Variants in VPS8 observed in about 807,000 individuals in gnomAD.
VPS8 encodes VPS8 subunit of CORVET complex, also known as vacuolar protein sorting-associated protein 8 homolog.
In VPS8, 129 loss-of-function variants were observed where a neutral mutation model predicts 216.4. The observed-to-expected ratio is 0.60, with a 90% confidence interval of 0.52 to 0.69. The LOEUF is 0.69. VPS8 is among the 30% of genes least tolerant of loss of function. VPS8 has a pLI of 0.00. For synonymous variants in VPS8, 571 were observed against 565.4 expected (o/e 1.01, Z -0.14); for missense variants, 1,531 against 1,683.5 (o/e 0.91, Z 1.59).
intron 43 of VPS8, among the ~76,000 whole-genome samples, chr3:184,995,989 A>G (rs1391053039): frequency 6.6e-6 from 1 of 152,230 alleles, no homozygotes; most frequent in Non-Finnish European, 1.5e-5. Context: ...GTTATTATAT[A>G]AATGTAATAA....
chr3:184,839,649 A>G, intron 6 of VPS8, 49 bp from the exon 7 acceptor site: 1 of 1,537,140 alleles, frequency 6.5e-7, no homozygotes. Flanking sequence ...GATTATTTCA[A>G]GATTCTTAAT....
At chr3:184,839,490 A>T in intron 6 of VPS8, 1 of 537,896 alleles carries the variant, frequency 1.9e-6, no homozygotes, top group Non-Finnish European at 3.3e-6. Flanking sequence ...TGATAGTGTT[A>T]CTCCTAGAGT....
intron 28 of VPS8, among the ~76,000 whole-genome samples, chr3:184,918,654 ATTCT>A (rs1485554683): frequency 6.6e-6 from 1 of 152,222 alleles, no homozygotes; most frequent in Non-Finnish European, 1.5e-5. Context: ...GGTGAAGGAA[ATTCT>A]TTTTTACTTG....
At chr3:184,838,815 A>G in intron 6 of VPS8, 69 bp downstream of exon 6, 1 of 1,190,488 alleles carries the variant, frequency 8.4e-7, no homozygotes, top group South Asian at 1.5e-5. Context: ...TTATCATTAC[A>G]TTGTTCAAAA....
At chr3:184,941,418 C>CT (rs560431751) in intron 36 of VPS8, among the ~76,000 whole-genome samples, 23,627 of 135,494 alleles carry the variant, frequency 0.17, 2,804 homozygotes, top group African/African-American at 0.34. Flanking sequence ...GGTAGACATC[C>CT]TTTTTTTTTT....
At chr3:184,968,846 A>G (rs905199801) in intron 39 of VPS8, among the ~76,000 whole-genome samples, 1 of 152,184 alleles carries the variant, frequency 6.6e-6, no homozygotes, top group South Asian at 2.1e-4. Flanking sequence ...CACGCATTTC[A>G]CTAACATACC....
chr3:184,829,500 G>T (rs760791481), intron 3 of VPS8, among the ~76,000 whole-genome samples: 17 of 152,216 alleles, frequency 1.1e-4, no homozygotes, highest in Admixed American at 2.0e-4. Flanking sequence ...ACAGGCATGA[G>T]CCCCTGTGCC....
In VPS8 at chr3:184,929,626, A is replaced by G. The variant is rs369482323; in HGVS notation, c.2761A>G (p.Lys921Glu). The change falls in exon 33 of 48, where the codon AAA (lysine) becomes GAA (glutamate). Residue 921 changes from lysine to glutamate, a missense_variant. Physicochemically the swap from Lys to Glu is moderately conservative, Grantham distance 56 (BLOSUM62 1). Around this residue, in one of 3 missense-constraint regions of VPS8, gnomAD observed 1,318 missense variants for 1,468.4 expected, o/e 0.90. Coordinates refer to ENST00000625842, the MANE Select transcript of VPS8 (RefSeq NM_001009921.3). ...FMYEREHQYD[K>E]IIDCYLRDPL... ...GTATGAAAGAGAACACCAATATGAT[A>G]AAATTATTGATTGCTACTTACGTGA... 100 of 1,531,752 alleles carry G rather than the reference A, an allele frequency of 6.5e-5. No homozygotes were observed. The highest frequency in any genetic ancestry group is 6.4e-4 in the African/African-American group (46 of 72,354). 94.9% of individuals were successfully genotyped at this position (1,531,752 alleles called of 1,614,324 possible). A position where few individuals can be genotyped will look rare whatever the true frequency, so the allele number is the denominator to read the frequency against.
chr3:184,870,617 T>C (rs1728154700), intron 20 of VPS8, 99 bp from the exon 21 acceptor site: 1 of 941,766 alleles, frequency 1.1e-6, no homozygotes, highest in Non-Finnish European at 1.6e-6. Context: ...TAAATTTTAA[T>C]AACAAATTCT....
intron 6 of VPS8, 61 bp downstream of exon 6, chr3:184,838,807 A>G: frequency 7.6e-7 from 1 of 1,311,360 alleles, no homozygotes; most frequent in South Asian, 1.4e-5. Context: ...TCTTAGATTT[A>G]TCATTACATT....
intron 46 of VPS8, among the ~76,000 whole-genome samples, chr3:185,026,505 G>A (rs1160176208): frequency 2.7e-5 from 4 of 148,246 alleles, no homozygotes; most frequent in Admixed American, 2.1e-4. Flanking sequence ...TCTGCCTCCC[G>A]TGTTCAAGCG....
intron 1 of VPS8, chr3:184,812,769 C>A (rs1328169605): frequency 2.0e-5 from 3 of 152,400 alleles, no homozygotes; most frequent in Non-Finnish European, 4.4e-5. Context: ...TCATGCCCCT[C>A]CCCACTCCCG....
chr3:184,901,044 C>T, intron 25 of VPS8, 72 bp downstream of exon 25: 2 of 1,352,182 alleles, frequency 1.5e-6, no homozygotes, highest in Non-Finnish European at 1.0e-6. Context: ...ACAAAATTGG[C>T]CAATTATATG....
intron 16 of VPS8, among the ~76,000 whole-genome samples, chr3:184,866,093 G>C (rs1577971995): frequency 6.6e-6 from 1 of 152,024 alleles, no homozygotes; most frequent in East Asian, 1.9e-4. Context: ...ATAAAAACTT[G>C]TATATGAACA....
intron 36 of VPS8, among the ~76,000 whole-genome samples, chr3:184,942,886 C>A (rs190840668): frequency 6.6e-6 from 1 of 151,918 alleles, no homozygotes; most frequent in South Asian, 2.1e-4. Context: ...TATTGAGTTC[C>A]GGATTGAGGG....
chr3:184,883,071 A>C (rs1304070960), intron 21 of VPS8, among the ~76,000 whole-genome samples: 2 of 152,154 alleles, frequency 1.3e-5, no homozygotes, highest in Non-Finnish European at 2.9e-5. Context: ...TTCTGTATTA[A>C]ATAGCAATGA....
At chr3:184,998,522 T>C (rs1020708387) in intron 44 of VPS8, among the ~76,000 whole-genome samples, 108 of 6,944 alleles carry the variant, frequency 0.016, 9 homozygotes, top group African/African-American at 0.034. Flanking sequence ...TATATATATA[T>C]ATATATATAT....
intron 42 of VPS8, among the ~76,000 whole-genome samples, chr3:184,989,907 C>T (rs1751649688): frequency 6.6e-6 from 1 of 151,916 alleles, no homozygotes; most frequent in African/African-American, 2.4e-5. Flanking sequence ...CCTGTCTCTA[C>T]TAAAAATACA....
intron 42 of VPS8, among the ~76,000 whole-genome samples, chr3:184,989,557 A>G (rs1212423504): frequency 6.6e-6 from 1 of 151,862 alleles, no homozygotes; most frequent in Non-Finnish European, 1.5e-5. Flanking sequence ...GAACCACCAC[A>G]CCCAGCCCAT....
Sources: gnomAD v4.1 joint callset for allele counts (sites outside exome capture counted in the v4.1 genomes callset) on GRCh38, gnomAD v4.1.1 for gene constraint, gnomAD v4.1.1 regional missense constraint, MANE v1.5 for transcripts, NCBI Gene and HGNC (gene_info 2026-07-23, HGNC 2026-07-21) for gene names.